CRYBG1: variants seen among roughly 807,000 people sequenced by gnomAD.
CRYBG1 encodes beta/gamma crystallin domain-containing protein 1.
In CRYBG1, 139 loss-of-function variants were observed where a neutral mutation model predicts 189.2. The ratio of observed to expected loss-of-function variants is 0.73; its 90% CI spans 0.64 to 0.85. CRYBG1 has a LOEUF of 0.85. CRYBG1 is among the 40% of genes least tolerant of loss of function. The pLI, the probability that CRYBG1 is intolerant of heterozygous loss-of-function variation, is 0.00. For synonymous variants in CRYBG1, 1,023 were observed against 1,017.1 expected (o/e 1.01, Z -0.11); for missense variants, 2,611 against 2,675.8 (o/e 0.98, Z 0.53).
intron 1 of CRYBG1, among the ~76,000 whole-genome samples, chr6:106,409,365 A>G (rs1265623956): frequency 6.6e-6 from 1 of 152,238 alleles, no homozygotes; most frequent in Non-Finnish European, 1.5e-5. Flanking sequence ...GCTCAAGGAA[A>G]TAAGAGAGGG....
At chr6:106,535,178 T>C (rs1264375669) in intron 8 of CRYBG1, among the ~76,000 whole-genome samples, 2 of 152,142 alleles carry the variant, frequency 1.3e-5, no homozygotes, top group Non-Finnish European at 2.9e-5. Context: ...ATTACCAACA[T>C]TGCTGCCCAC....
intron 19 of CRYBG1, 71 bp from the exon 20 acceptor site, chr6:106,561,271 G>A: frequency 6.7e-7 from 1 of 1,500,726 alleles, no homozygotes; most frequent in Non-Finnish European, 9.1e-7. Context: ...GATTCTTCCT[G>A]ATATTCATGC....
intron 1 of CRYBG1, among the ~76,000 whole-genome samples, chr6:106,400,000 G>A (rs770053493): frequency 1.9e-4 from 29 of 152,010 alleles, no homozygotes; most frequent in Admixed American, 1.9e-3. Context: ...AGCCAGGCGT[G>A]GTGGCACATA....
chr6:106,415,081 A>G (rs1770997710), intron 1 of CRYBG1, among the ~76,000 whole-genome samples: 1 of 152,174 alleles, frequency 6.6e-6, no homozygotes, highest in Admixed American at 6.5e-5. Context: ...TGCTCCTACA[A>G]TCTTTGAGTC....
intron 1 of CRYBG1, among the ~76,000 whole-genome samples, chr6:106,450,517 G>T (rs536657176): frequency 2.6e-5 from 4 of 152,244 alleles, no homozygotes; most frequent in Non-Finnish European, 4.4e-5. Context: ...ACCAAACCTT[G>T]GATCAGGTAT....
chr6:106,533,719 G>A (rs1435125934), intron 8 of CRYBG1, among the ~76,000 whole-genome samples: 3 of 152,132 alleles, frequency 2.0e-5, no homozygotes, highest in African/African-American at 7.2e-5. Flanking sequence ...TTATTGAGAC[G>A]AAAAAGACTT....
At chr6:106,424,808 T>C (rs978380936) in intron 1 of CRYBG1, among the ~76,000 whole-genome samples, 1 of 152,180 alleles carries the variant, frequency 6.6e-6, no homozygotes, top group Non-Finnish European at 1.5e-5. Flanking sequence ...CCACCAGTCC[T>C]GTCTGCCCGT....
chr6:106,546,166 A>G (rs1415747007), intron 13 of CRYBG1, among the ~76,000 whole-genome samples: 1 of 152,196 alleles, frequency 6.6e-6, no homozygotes, highest in East Asian at 1.9e-4. Context: ...GGAGCCACTT[A>G]GATATGAATG....
intron 1 of CRYBG1, among the ~76,000 whole-genome samples, chr6:106,444,991 A>AACAAACAG (rs1771638455): frequency 6.6e-6 from 1 of 151,898 alleles, no homozygotes; most frequent in South Asian, 2.1e-4. Flanking sequence ...AAAACAAACA[A>AACAAACAG]ACAAACAGAC....
chr6:106,544,504 G>T, intron 11 of CRYBG1, 67 bp from the exon 12 acceptor site: 1 of 1,546,994 alleles, frequency 6.5e-7, no homozygotes, highest in Non-Finnish European at 8.8e-7. Flanking sequence ...CAATGAAATT[G>T]ATATGTACCT....
intron 2 of CRYBG1, among the ~76,000 whole-genome samples, chr6:106,493,403 ATGGTG>A (rs1772768355): frequency 6.6e-6 from 1 of 152,220 alleles, no homozygotes; most frequent in South Asian, 2.1e-4. Flanking sequence ...GGAATATAAA[ATGGTG>A]CAGCTACTAT....
At chr6:106,418,443 T>C (rs1771065619) in intron 1 of CRYBG1, among the ~76,000 whole-genome samples, 1 of 152,264 alleles carries the variant, frequency 6.6e-6, no homozygotes, top group Admixed American at 6.5e-5. Context: ...GACCCACCCC[T>C]ATCTGCCTAG....
rs746689695 is a variant in CRYBG1, at chr6:106,512,978, G to A, written c.1861G>A (p.Gly621Ser). ...AGAPGASDADGLKPRNHFGVG... is the reference protein window; with the variant it reads ...AGAPGASDADSLKPRNHFGVG... Reference sequence around the variant, plus strand: ...AGCGCCTGGAGCTTCTGACGCCGACGGCTTGAAGCCCAGGAACCATTTCGG... The same window carrying A: ...AGCGCCTGGAGCTTCTGACGCCGACAGCTTGAAGCCCAGGAACCATTTCGG... Residue 621 changes from glycine (G) to serine (S), a missense_variant, in exon 3 of 22, where the codon GGC becomes AGC. Around this residue, in one of 3 missense-constraint regions of CRYBG1, gnomAD observed 985 missense variants for 924.4 expected, o/e 1.07. Coordinates refer to ENST00000633556, the MANE Select transcript of CRYBG1 (RefSeq NM_001371242.2). 6.2e-7 allele frequency: 1 copy of A among 1,610,884 alleles called. No individual in the cohort carries two copies. Among genetic ancestry groups the A allele is most frequent in the African/African-American group, 1.3e-5 (1 of 74,914 alleles).
intron 18 of CRYBG1, 65 bp from the exon 19 acceptor site, chr6:106,560,737 AT>A: frequency 6.5e-7 from 1 of 1,547,186 alleles, no homozygotes; most frequent in Non-Finnish European, 8.7e-7. Flanking sequence ...CATTCTAAAA[AT>A]AAATGTAATT....
chr6:106,447,212 T>A (rs1161936861), intron 1 of CRYBG1, among the ~76,000 whole-genome samples: 2 of 152,230 alleles, frequency 1.3e-5, no homozygotes, highest in African/African-American at 2.4e-5. Flanking sequence ...TTGTGACTAT[T>A]CACAAAGGAA....
At chr6:106,416,643 A>C (rs888425109) in intron 1 of CRYBG1, among the ~76,000 whole-genome samples, 2 of 152,220 alleles carry the variant, frequency 1.3e-5, no homozygotes, top group African/African-American at 4.8e-5. Flanking sequence ...TAAATATTTG[A>C]ATAAATGAAT....
At chr6:106,421,552 A>G (rs1433694380) in intron 1 of CRYBG1, among the ~76,000 whole-genome samples, 2 of 152,132 alleles carry the variant, frequency 1.3e-5, no homozygotes, top group Admixed American at 1.3e-4. Flanking sequence ...CCTAGAGAGT[A>G]GGGTCTCTTC....
At chr6:106,453,693 C>G (rs1296529630) in intron 2 of CRYBG1, among the ~76,000 whole-genome samples, 2 of 152,154 alleles carry the variant, frequency 1.3e-5, no homozygotes, top group African/African-American at 4.8e-5. Context: ...TGGCAGTGTT[C>G]AGAATTGAGG....
chr6:106,484,525 GC>G lies in CRYBG1; in HGVS notation c.313-26902del, dbSNP rs202142208. Reference sequence around the variant, plus strand: ...TGTAGAGACAGGGTCTTGCCATGTTGCCCAGGCTGGTCTCAAACTCCTGGCC... The same window carrying G: ...TGTAGAGACAGGGTCTTGCCATGTTGCCAGGCTGGTCTCAAACTCCTGGCC... On this transcript the variant is annotated intron_variant, in intron 2 of 21. Coordinates refer to ENST00000633556, the MANE Select transcript of CRYBG1 (RefSeq NM_001371242.2). 2.4e-3 allele frequency among the ~76,000 whole-genome samples: 362 copies of G among 152,164 alleles called. 8 individuals carry two copies. The East Asian group carries it at 0.047, about 20-fold the overall frequency.
Sources: gnomAD v4.1 joint callset for allele counts (sites outside exome capture counted in the v4.1 genomes callset) on GRCh38, gnomAD v4.1.1 for gene constraint, gnomAD v4.1.1 regional missense constraint, MANE v1.5 for transcripts, NCBI Gene and HGNC (gene_info 2026-07-23, HGNC 2026-07-21) for gene names.